BEND5: variants seen among roughly 807,000 people sequenced by gnomAD.
BEND5 encodes BEN domain containing 5.
A neutral mutation model predicts 43.9 loss-of-function variants in BEND5; 22 were observed. That is an observed-to-expected ratio of 0.50 (90% confidence interval 0.36 to 0.72). The LOEUF is 0.72. Ranked by LOEUF, BEND5 falls within the 30% of genes least tolerant of loss-of-function variation. The pLI is 0.00. For missense variants in BEND5, 428 were observed against 550.6 expected (o/e 0.78, Z 2.23); for synonymous variants, 228 against 225.9 (o/e 1.01, Z -0.08).
intron 1 of BEND5, among the ~76,000 whole-genome samples, chr1:48,764,525 G>A (rs764220825): frequency 6.6e-6 from 1 of 152,160 alleles, no homozygotes; most frequent in Non-Finnish European, 1.5e-5. Context: ...TATGAAAGAT[G>A]GTTCAGTTAT....
At chr1:48,765,112 C>T (rs1644466522) in intron 1 of BEND5, among the ~76,000 whole-genome samples, 1 of 152,218 alleles carries the variant, frequency 6.6e-6, no homozygotes, top group African/African-American at 2.4e-5. Context: ...CATTACACAT[C>T]TACACATCCT....
At chr1:48,755,591 G>T (rs754809867) in intron 3 of BEND5, among the ~76,000 whole-genome samples, 2 of 152,212 alleles carry the variant, frequency 1.3e-5, no homozygotes, top group Non-Finnish European at 2.9e-5. Flanking sequence ...GGCAACTGAA[G>T]CCGAGAGTCA....
chr1:48,744,906 T>C (rs1650494035), intron 3 of BEND5, among the ~76,000 whole-genome samples: 1 of 152,230 alleles, frequency 6.6e-6, no homozygotes, highest in South Asian at 2.1e-4. Context: ...CGCTGAACAC[T>C]ACCTCATCTG....
In BEND5 at chr1:48,727,667, T is replaced by C; in HGVS notation, c.*219A>G. 1 of 338,540 alleles carries C rather than the reference T, an allele frequency of 3.0e-6. No homozygotes were observed. The highest frequency in any genetic ancestry group is 5.3e-6 in the Non-Finnish European group (1 of 187,902). 21.0% of individuals were successfully genotyped at this position (338,540 alleles called of 1,614,324 possible). On this transcript the variant is annotated 3_prime_UTR_variant, in exon 6 of 6. Transcript: ENST00000371833. ...CCTCCAAGAAGAGTGTTTTCCCCAT[T>C]CCCAGAAGGACACCAGTGCCAGGCT... is the stretch of plus-strand genomic sequence containing the variant.
At position 48,773,199 on chromosome 1, in the gene BEND5, C is replaced by A. The variant is rs190899863; in HGVS notation, c.226+3407G>T. Among the ~76,000 whole-genome samples the A allele has an allele frequency of 1.8e-3, 273 of 152,038 alleles. 3 individuals carry two copies. The highest frequency in any genetic ancestry group is 1.5e-3 in the Non-Finnish European group (104 of 67,972). ...ACAGAGCACAGGTGCCTAGATAGAA[C>A]AACTTAAAATTTTAGGGCTCTAGGC... On this transcript the variant is annotated intron_variant, in intron 1 of 5. Transcript: ENST00000371833.
At chr1:48,749,763 C>A (rs1215201839) in intron 3 of BEND5, among the ~76,000 whole-genome samples, 2 of 152,248 alleles carry the variant, frequency 1.3e-5, no homozygotes, top group African/African-American at 4.8e-5. Context: ...GGTTCTTCAT[C>A]TGTGGTTCTT....
chr1:48,768,904 T>C (rs969596536), intron 1 of BEND5, among the ~76,000 whole-genome samples: 7 of 152,306 alleles, frequency 4.6e-5, no homozygotes, highest in Admixed American at 6.5e-5. Context: ...TTTGTTTTTA[T>C]AAAATCCAAG....
At chr1:48,762,491 T>C (rs940593039) in intron 1 of BEND5, among the ~76,000 whole-genome samples, 2 of 152,316 alleles carry the variant, frequency 1.3e-5, no homozygotes. Context: ...CTTTAGAGAT[T>C]GCTGTTTCTC....
In BEND5 at chr1:48,728,008, C is replaced by T. The variant is rs374826172; in HGVS notation, c.1144G>A (p.Asp382Asn). 55 of 1,611,748 alleles carry T rather than the reference C, an allele frequency of 3.4e-5. No individual in the cohort carries two copies. Among genetic ancestry groups the T allele is most frequent in the Non-Finnish European group, 4.2e-5 (50 of 1,178,594 alleles). Residue 382 changes from aspartate (D) to asparagine (N), a missense_variant, in exon 6 of 6, where the codon GAT (aspartate) becomes AAT (asparagine). Asp to Asn is a conservative substitution (Grantham distance 23, BLOSUM62 1). Transcript: ENST00000371833. Reference protein sequence around the residue: ...LYDRIAQETVDETEIAQRLSK... With the variant: ...LYDRIAQETVNETEIAQRLSK... ...AGTCTCTGTGCAATTTCAGTTTCAT[C>T]CACAGTTTCTTGTGCTATTCTGTCA...
At chr1:48,776,520 CG>C in intron 1 of BEND5, 85 bp downstream of exon 1, 2 of 1,001,446 alleles carry the variant, frequency 2.0e-6, no homozygotes, top group Non-Finnish European at 2.7e-6. Flanking sequence ...TGGCTCCCCC[CG>C]GTCCCCTCCG....
chr1:48,746,589 G>A (rs528073299), intron 3 of BEND5, among the ~76,000 whole-genome samples: 3 of 152,320 alleles, frequency 2.0e-5, no homozygotes, highest in South Asian at 2.1e-4. Flanking sequence ...AAAGCTCTCC[G>A]CAACAGCCTC....
chr1:48,763,001 A>T (rs1644354246), intron 1 of BEND5, among the ~76,000 whole-genome samples: 1 of 152,170 alleles, frequency 6.6e-6, no homozygotes, highest in African/African-American at 2.4e-5. Context: ...TGCCTGCTAC[A>T]CACTGAACAT....
chr1:48,742,673 A>AAT lies in BEND5; in HGVS notation c.842_843dup (p.Tyr282IlefsTer14), dbSNP rs780743938. Reference sequence around the variant, plus strand: ...TCCATGACAGGCGCAGGAGCGGGGTAATAGGACGACGTATTTGCTTCCTCA... The same window carrying AAT: ...TCCATGACAGGCGCAGGAGCGGGGTAATATAGGACGACGTATTTGCTTCCTCA... On this transcript the variant is annotated frameshift_variant, in exon 4 of 6. Coordinates refer to ENST00000371833, the MANE Select transcript of BEND5 (RefSeq NM_024603.4). LOFTEE classifies it high-confidence loss of function. 6.2e-7 allele frequency: 1 copy of AAT among 1,610,998 alleles called. No individual in the cohort carries two copies. The highest frequency in any genetic ancestry group is 8.5e-7 in the Non-Finnish European group (1 of 1,178,410).
intron 1 of BEND5, 24 bp from the exon 2 acceptor site, chr1:48,761,494 AG>A: frequency 6.5e-7 from 1 of 1,546,006 alleles, no homozygotes; most frequent in East Asian, 2.4e-5. Flanking sequence ...CAAGAGAACA[AG>A]GTTCATCATG....
chr1:48,750,654 G>A (rs1459044380), intron 3 of BEND5, among the ~76,000 whole-genome samples: 1 of 152,238 alleles, frequency 6.6e-6, no homozygotes, highest in Non-Finnish European at 1.5e-5. Flanking sequence ...GCTCGGAACA[G>A]AGGAAGGATC....
chr1:48,761,610 G>A, intron 1 of BEND5, 140 bp from the exon 2 acceptor site: 1 of 871,774 alleles, frequency 1.1e-6, no homozygotes, highest in Non-Finnish European at 1.7e-6. Context: ...ACTCAAGGCT[G>A]GTTCCCTCTT....
chr1:48,761,848 G>C (rs746440879), intron 1 of BEND5, among the ~76,000 whole-genome samples: 20 of 152,140 alleles, frequency 1.3e-4, no homozygotes, highest in Non-Finnish European at 2.6e-4. Flanking sequence ...ACTCAACTGA[G>C]ATCTTTCTAA....
intron 3 of BEND5, among the ~76,000 whole-genome samples, chr1:48,757,713 G>A (rs1644016152): frequency 6.6e-6 from 1 of 152,148 alleles, no homozygotes; most frequent in Non-Finnish European, 1.5e-5. Context: ...GTAAATTAGG[G>A]TAAGAATAAA....
chr1:48,758,526 A>G (rs989449348), intron 3 of BEND5, among the ~76,000 whole-genome samples: 2 of 152,174 alleles, frequency 1.3e-5, no homozygotes, highest in Non-Finnish European at 2.9e-5. Context: ...AAACTAATAC[A>G]TGTTGTTAGG....
Sources: gnomAD v4.1 joint callset for allele counts (sites outside exome capture counted in the v4.1 genomes callset) on GRCh38, gnomAD v4.1.1 for gene constraint, MANE v1.5 for transcripts, NCBI Gene and HGNC (gene_info 2026-07-23, HGNC 2026-07-21) for gene names.